The following AGXT2 variants were observed in gnomAD, a reference collection of about 807,000 sequenced individuals.
The protein encoded by AGXT2 is alanine--glyoxylate aminotransferase 2, also known as alanine--glyoxylate aminotransferase 2, mitochondrial.
Under a neutral mutation model 62.5 loss-of-function variants are expected in AGXT2, and 61 were observed. The observed-to-expected ratio is 0.98, with a 90% CI of 0.79 to 1.21. AGXT2 has a LOEUF of 1.21. AGXT2 is among the 50% of genes most tolerant of loss of function. The pLI is 0.00. For synonymous variants in AGXT2, 243 were observed against 218.7 expected (o/e 1.11, Z -0.98); for missense variants, 666 against 641.5 (o/e 1.04, Z -0.41).
chr5:35,021,922 C>T (rs1767110566), intron 9 of AGXT2, among the ~76,000 whole-genome samples: 1 of 152,146 alleles, frequency 6.6e-6, no homozygotes, highest in Non-Finnish European at 1.5e-5. Context: ...AGGATATGAA[C>T]AGACACTTCT....
chr5:35,006,450 A>G (rs1766424053), intron 12 of AGXT2, among the ~76,000 whole-genome samples: 1 of 152,196 alleles, frequency 6.6e-6, no homozygotes, highest in Non-Finnish European at 1.5e-5. Flanking sequence ...CCTTACAATC[A>G]TGGCAGAAGG....
chr5:35,002,528 C>T (rs1290859401), intron 13 of AGXT2, among the ~76,000 whole-genome samples: 1 of 152,182 alleles, frequency 6.6e-6, no homozygotes, highest in Non-Finnish European at 1.5e-5. Context: ...AGGTGATGGT[C>T]TTGTGAAGTG....
At chr5:35,035,494 T>A (rs1580606348) in intron 4 of AGXT2, among the ~76,000 whole-genome samples, 178 bp from the exon 5 acceptor site, 1 of 152,156 alleles carries the variant, frequency 6.6e-6, no homozygotes, top group Admixed American at 6.5e-5. Context: ...TAGCCCTTCC[T>A]CCAGTAGCCA....
At chr5:35,032,942 C>T (rs2291698) in intron 6 of AGXT2, 117 bp from the exon 7 acceptor site, 234,593 of 819,816 alleles carry the variant, frequency 0.29, 36,909 homozygotes, top group Non-Finnish European at 0.33. Context: ...CTCATTCTTC[C>T]CCCACTTAAG....
At chr5:35,025,728 C>T in intron 9 of AGXT2, 35 bp downstream of exon 9, 2 of 1,601,354 alleles carry the variant, frequency 1.2e-6, no homozygotes, top group Non-Finnish European at 1.7e-6. Flanking sequence ...CTCCTGTTCC[C>T]ACTGCACTCA....
At chr5:35,017,860 A>G (rs966722134) in intron 9 of AGXT2, among the ~76,000 whole-genome samples, 18 of 152,224 alleles carry the variant, frequency 1.2e-4, no homozygotes, top group African/African-American at 4.3e-4. Context: ...AGAATAACCA[A>G]TAAAGAGAAG....
Position 35,025,810 on chromosome 5 carries a change from C to T in AGXT2, c.916G>A (p.Ala306Thr), listed in dbSNP as rs142689968. Residue 306 changes from alanine to threonine, a missense_variant, in exon 9 of 14, where the codon GCC becomes ACC. Physicochemically the swap from Ala to Thr is moderately conservative, Grantham distance 58 (BLOSUM62 0). Coordinates refer to ENST00000231420, the MANE Select transcript of AGXT2 (RefSeq NM_031900.4). ...VQYPKGFLKE[A>T]FELVRARGGV... ...CCCCTTGCTCGCACCAGCTCAAAGG[C>T]TTCCTTTAGAAACCCCTTTGGGTAC... The T allele has an allele frequency of 1.2e-6, 2 of 1,614,042 alleles. No individual in the cohort carries two copies. The highest frequency in any genetic ancestry group is 2.7e-5 in the African/African-American group (2 of 74,934).
chr5:35,037,291 A>T lies in AGXT2; in HGVS notation c.363-226T>A, dbSNP rs150324519. Among the ~76,000 whole-genome samples, 49 of 152,270 alleles carry T rather than the reference A, an allele frequency of 3.2e-4. 1 individual carries two copies. The highest frequency in any genetic ancestry group is 1.0e-3 in the African/African-American group (43 of 41,536). ...CTCCAAGAGCAGGGTTCAAAAGGAG[A>T]CTCATTGATTACAAGGGATTTTAGA... On this transcript the variant is annotated intron_variant, in intron 3 of 13. Transcript: ENST00000231420.
intron 13 of AGXT2, among the ~76,000 whole-genome samples, chr5:35,003,139 C>G (rs1439473945): frequency 9.2e-5 from 14 of 152,172 alleles, no homozygotes; most frequent in Non-Finnish European, 1.9e-4. Context: ...CTGGGCATGG[C>G]TTTTCAAGGA....
chr5:35,013,902 A>G (rs1188067971), intron 10 of AGXT2, 85 bp downstream of exon 10: 24 of 1,589,268 alleles, frequency 1.5e-5, no homozygotes, highest in Non-Finnish European at 2.0e-5. Context: ...ATTGTCTCCA[A>G]TCTACACAAG....
At chr5:35,002,677 T>C (rs999431521) in intron 13 of AGXT2, among the ~76,000 whole-genome samples, 12 of 152,276 alleles carry the variant, frequency 7.9e-5, no homozygotes, top group Admixed American at 3.9e-4. Flanking sequence ...CTGAACTTGC[T>C]GGCACCTTGA....
At chr5:35,019,975 G>T (rs1366690300) in intron 9 of AGXT2, among the ~76,000 whole-genome samples, 2 of 152,210 alleles carry the variant, frequency 1.3e-5, no homozygotes, top group African/African-American at 4.8e-5. Flanking sequence ...AAATCTAGAA[G>T]AAATGGATAA....
intron 13 of AGXT2, 75 bp downstream of exon 13, chr5:35,003,688 G>A (rs989229251): frequency 7.9e-6 from 11 of 1,400,738 alleles, no homozygotes; most frequent in Non-Finnish European, 1.0e-5. Flanking sequence ...CAGCTGTGAA[G>A]AAACTGTGAC....
At position 35,037,118 on chromosome 5, in the gene AGXT2, C is replaced by T. The variant is rs187249094; in HGVS notation, c.363-53G>A. 2.5e-6 allele frequency: 4 copies of T among 1,611,792 alleles called. No individual in the cohort carries two copies. In the African/African-American group the frequency reaches 4.0e-5, roughly 16 times the overall value. On this transcript the variant is annotated intron_variant, in intron 3 of 13. Coordinates refer to ENST00000231420, the MANE Select transcript of AGXT2 (RefSeq NM_031900.4). Reference sequence around the variant, plus strand: ...TGCACTGCGTGCCACGTCCCTCCTGCACACACCCTGGTCATTGGACCCAAA... The same window carrying T: ...TGCACTGCGTGCCACGTCCCTCCTGTACACACCCTGGTCATTGGACCCAAA...
In AGXT2 at chr5:35,014,133, T is replaced by C. The variant is rs1252621228; in HGVS notation, c.964-14A>G. ...TCCTGTCTGCACCTGGGAAAACAAG[T>C]TCAAAACCATTGGAAACCCTTCAAG... On this transcript the variant is annotated splice_polypyrimidine_tract_variant and intron_variant, in intron 9 of 13. Coordinates refer to ENST00000231420, the MANE Select transcript of AGXT2 (RefSeq NM_031900.4). The C allele has an allele frequency of 6.2e-7, 1 of 1,613,848 alleles. No individual in the cohort carries two copies. Among genetic ancestry groups the C allele is most frequent in the Non-Finnish European group, 8.5e-7 (1 of 1,179,908 alleles).
At position 35,020,890 on chromosome 5, in the gene AGXT2, T is replaced by C. The variant is rs574889856; in HGVS notation, c.963+4873A>G. On this transcript the variant is annotated intron_variant, in intron 9 of 13. Coordinates refer to ENST00000231420, the MANE Select transcript of AGXT2 (RefSeq NM_031900.4). ...TTCAGCAAAGTCTCAGGATACAAAA[T>C]CAATGTACAAAAATCACAAGCATTC... Among the ~76,000 whole-genome samples the C allele has an allele frequency of 2.0e-5, 3 of 152,142 alleles. No individual in the cohort carries two copies. The South Asian group carries it at 6.2e-4, about 32-fold the overall frequency.
intron 1 of AGXT2, among the ~76,000 whole-genome samples, chr5:35,045,479 C>T (rs1194428116): frequency 6.6e-6 from 1 of 152,076 alleles, no homozygotes; most frequent in Non-Finnish European, 1.5e-5. Flanking sequence ...TATCTCCTTC[C>T]TGGAATAGAG....
chr5:35,026,611 C>T lies in AGXT2; in HGVS notation c.770-101G>A, dbSNP rs1482093759. ...AAAAACAGGAAAAAAAAAAAACAAC[C>T]AGACAGGGTAAGTTAATCAGGGACT... On this transcript the variant is annotated intron_variant, in intron 7 of 13. Coordinates refer to ENST00000231420, the MANE Select transcript of AGXT2 (RefSeq NM_031900.4). 1.4e-5 allele frequency: 16 copies of T among 1,119,410 alleles called. No homozygotes were observed. The Admixed American group carries it at 3.0e-4, about 21-fold the overall frequency. The allele number at this position is 1,119,410 out of a possible 1,614,324, so 69.3% of individuals were successfully genotyped here. A position where few individuals can be genotyped will look rare whatever the true frequency, so the allele number is the denominator to read the frequency against.
intron 12 of AGXT2, 125 bp downstream of exon 12, chr5:35,009,875 T>C: frequency 7.6e-7 from 1 of 1,318,784 alleles, no homozygotes; most frequent in Non-Finnish European, 1.1e-6. Flanking sequence ...TCTAAAGGGC[T>C]TTGCTGAAAT....
Sources: gnomAD v4.1 joint callset for allele counts (sites outside exome capture counted in the v4.1 genomes callset) on GRCh38, gnomAD v4.1.1 for gene constraint, MANE v1.5 for transcripts, NCBI Gene and HGNC (gene_info 2026-07-23, HGNC 2026-07-21) for gene names.